NSUN6: variants seen among roughly 807,000 people sequenced by gnomAD.
The protein encoded by NSUN6 is NOP2/Sun RNA methyltransferase 6, also known as tRNA (cytosine(72)-C(5))-methyltransferase NSUN6.
NSUN6 carries 64 observed loss-of-function variants against 58.0 expected under a neutral mutation model. That is an observed-to-expected ratio of 1.10 (90% CI 0.90 to 1.36). NSUN6 has a LOEUF of 1.36. NSUN6 is among the 40% of genes most tolerant of loss of function. NSUN6 has a pLI of 0.00. For synonymous variants in NSUN6, 231 were observed against 193.9 expected (o/e 1.19, Z -1.59); for missense variants, 701 against 550.1 (o/e 1.27, Z -2.74).
upstream of NSUN6, chr10:18,651,881 G>A: frequency 1.0e-6 from 1 of 985,410 alleles, no homozygotes; most frequent in Non-Finnish European, 1.2e-6. Context: ...CAAATGGCGT[G>A]GGTTGAGTGG....
intron 3 of NSUN6, among the ~76,000 whole-genome samples, chr10:18,631,239 T>C (rs1339689082): frequency 2.0e-5 from 3 of 150,810 alleles, no homozygotes; most frequent in African/African-American, 7.3e-5. Flanking sequence ...AATTAGGTAT[T>C]GATGGGACGT....
At chr10:18,643,839 A>C (rs2131575921) in intron 2 of NSUN6, among the ~76,000 whole-genome samples, 1 of 152,338 alleles carries the variant, frequency 6.6e-6, no homozygotes, top group Non-Finnish European at 1.5e-5. Context: ...ACAGAGATCA[A>C]AGCTTCTCAA....
At chr10:18,642,219 G>A (rs562929380) in intron 3 of NSUN6, among the ~76,000 whole-genome samples, 24 of 152,038 alleles carry the variant, frequency 1.6e-4, no homozygotes, top group Non-Finnish European at 2.9e-4. Flanking sequence ...CAGAAAGTGG[G>A]GGGGGGAAAA....
At chr10:18,610,034 T>C in intron 5 of NSUN6, 108 bp from the exon 6 acceptor site, 1 of 703,474 alleles carries the variant, frequency 1.4e-6, no homozygotes, top group Admixed American at 2.3e-5. Flanking sequence ...ATGCTCTATC[T>C]TTTTAAGAAC....
intron 3 of NSUN6, among the ~76,000 whole-genome samples, chr10:18,632,146 C>A (rs1029486782): frequency 1.3e-5 from 2 of 151,932 alleles, no homozygotes; most frequent in African/African-American, 4.8e-5. Context: ...GAAAAACAAG[C>A]AATGGGGAAA....
intron 3 of NSUN6, among the ~76,000 whole-genome samples, chr10:18,639,111 C>T (rs2059316216): frequency 6.6e-6 from 1 of 152,080 alleles, no homozygotes; most frequent in Non-Finnish European, 1.5e-5. Context: ...AAACAAAAAA[C>T]AACAACAGTA....
At chr10:18,549,495 G>A (rs1302512775) in intron 9 of NSUN6, among the ~76,000 whole-genome samples, 1 of 152,070 alleles carries the variant, frequency 6.6e-6, no homozygotes, top group African/African-American at 2.4e-5. Flanking sequence ...TAGGGCCATT[G>A]CATTATTGCC....
chr10:18,634,580 T>A lies in NSUN6; in HGVS notation c.311+7896A>T, dbSNP rs1238550053. Among the ~76,000 whole-genome samples the A allele has an allele frequency of 2.7e-5, 4 of 146,164 alleles. No homozygotes were observed. The East Asian group carries it at 8.1e-4, about 30-fold the overall frequency. Reference sequence around the variant, plus strand: ...TCCCGGCTAACATGGTGAAACCACATCTCTACTAAAAAAAATACAAAAAAA... The same window carrying A: ...TCCCGGCTAACATGGTGAAACCACAACTCTACTAAAAAAAATACAAAAAAA... On this transcript the variant is annotated intron_variant, in intron 3 of 10. Transcript: ENST00000377304.
At chr10:18,555,246 A>G (rs912056294) in intron 8 of NSUN6, among the ~76,000 whole-genome samples, 1 of 150,498 alleles carries the variant, frequency 6.6e-6, no homozygotes, top group African/African-American at 2.4e-5. Context: ...AGTGGAGAGT[A>G]TAGAGGAAAG....
At chr10:18,643,810 G>C (rs2059457684) in intron 2 of NSUN6, among the ~76,000 whole-genome samples, 1 of 152,094 alleles carries the variant, frequency 6.6e-6, no homozygotes, top group Non-Finnish European at 1.5e-5. Flanking sequence ...ATTTGATTTA[G>C]ACTATAGAAA....
chr10:18,571,393 T>C (rs948200818), intron 8 of NSUN6, among the ~76,000 whole-genome samples: 3 of 151,248 alleles, frequency 2.0e-5, no homozygotes, highest in African/African-American at 7.3e-5. Flanking sequence ...TCCATTCCAT[T>C]CTACATTCCA....
rs570286498 is a variant in NSUN6, at chr10:18,625,820, G to C, written c.312-9527C>G. On this transcript the variant is annotated intron_variant, in intron 3 of 10. Transcript: ENST00000377304. ...TAAATGTCTAAAGTTGAATAACTAAGAATTCCACAGATCTCCAATCAAAAG... is the reference window on the plus strand; with the variant it reads ...TAAATGTCTAAAGTTGAATAACTAACAATTCCACAGATCTCCAATCAAAAG... Among the ~76,000 whole-genome samples the C allele has an allele frequency of 2.2e-5, 3 of 136,780 alleles. No homozygotes were observed. In the East Asian group the frequency reaches 6.9e-4, roughly 32 times the overall value. The allele number at this position is 136,780 out of a possible 152,430, so 89.7% of individuals were successfully genotyped here.
At chr10:18,598,447 T>C (rs891636354) in intron 6 of NSUN6, among the ~76,000 whole-genome samples, 2 of 152,092 alleles carry the variant, frequency 1.3e-5, no homozygotes, top group Non-Finnish European at 2.9e-5. Context: ...GCTCTACTTA[T>C]TTATTTTTAT....
chr10:18,623,226 T>C (rs985319496), intron 3 of NSUN6, among the ~76,000 whole-genome samples: 2 of 152,218 alleles, frequency 1.3e-5, no homozygotes, highest in African/African-American at 4.8e-5. Context: ...ACTTTTAAAA[T>C]TGTTTACTGT....
upstream of NSUN6, chr10:18,652,444 C>T: frequency 2.0e-6 from 2 of 983,830 alleles, no homozygotes; most frequent in Non-Finnish European, 2.4e-6. Flanking sequence ...ATTATACACA[C>T]AGACACACAC....
chr10:18,563,302 A>G (rs185680120), intron 8 of NSUN6, among the ~76,000 whole-genome samples: 52 of 151,032 alleles, frequency 3.4e-4, no homozygotes, highest in Non-Finnish European at 5.9e-4. Flanking sequence ...TCGAGAATGC[A>G]GAATGGAATG....
intron 3 of NSUN6, among the ~76,000 whole-genome samples, chr10:18,632,317 G>A (rs899946992): frequency 7.4e-6 from 1 of 135,786 alleles, no homozygotes; most frequent in African/African-American, 2.7e-5. Context: ...AGAAAACCTA[G>A]GCATTACCAT....
chr10:18,636,475 G>A (rs1365646844), intron 3 of NSUN6, among the ~76,000 whole-genome samples: 2 of 150,024 alleles, frequency 1.3e-5, no homozygotes, highest in East Asian at 3.9e-4. Context: ...AGCCTGGGCA[G>A]CACAGCAAGA....
chr10:18,637,255 G>A (rs1326443768), intron 3 of NSUN6, among the ~76,000 whole-genome samples: 2 of 152,070 alleles, frequency 1.3e-5, no homozygotes, highest in Admixed American at 6.6e-5. Context: ...GAGCCACCAC[G>A]CCCGGCCTCT....
Sources: allele counts gnomAD v4.1 joint callset (sites outside exome capture counted in the v4.1 genomes callset), GRCh38; gene constraint gnomAD v4.1.1; transcripts MANE v1.5; gene names NCBI Gene and HGNC (gene_info 2026-07-23, HGNC 2026-07-21).